Variants in USP14 observed in about 807,000 individuals in gnomAD.
USP14 encodes ubiquitin specific peptidase 14.
Under a neutral mutation model 76.5 loss-of-function variants are expected in USP14, and 38 were observed. The ratio of observed to expected loss-of-function variants is 0.50; its 90% CI spans 0.38 to 0.65. The LOEUF (loss-of-function observed/expected upper bound fraction) is 0.65, where lower values mean the gene tolerates loss of function less well. USP14 is among the 30% of genes least tolerant of loss of function. The pLI is 0.00. For missense variants in USP14, 467 were observed against 586.5 expected, an observed-to-expected ratio of 0.80 and a Z score of 2.10; for synonymous variants, 192 against 191.7, an observed-to-expected ratio of 1.00 and a Z score of -0.01.
At chr18:184,336 A>G (rs938125336) in intron 5 of USP14, among the ~76,000 whole-genome samples, 3 of 152,212 alleles carry the variant, frequency 2.0e-5, no homozygotes, top group African/African-American at 7.2e-5. Flanking sequence ...AAATGGCACT[A>G]ACTGATAAAA....
Position 208,445 on chromosome 18 carries a change from T to C in USP14, c.1165-1526T>C, listed in dbSNP as rs144293279. On this transcript the variant is annotated intron_variant, in intron 13 of 15. Transcript: ENST00000261601. Reference sequence around the variant, plus strand: ...TCTTCAAAGAATTGGCTTTGTTTCATGGATTTTTCTCTATTTTCTGTTTTT... The same window carrying C: ...TCTTCAAAGAATTGGCTTTGTTTCACGGATTTTTCTCTATTTTCTGTTTTT... 4.5e-3 allele frequency among the ~76,000 whole-genome samples: 689 copies of C among 152,296 alleles called. 6 individuals are homozygous for C. The highest frequency in any genetic ancestry group is 7.6e-3 in the Non-Finnish European group (516 of 68,028).
Position 180,227 on chromosome 18 carries a change from T to G in USP14, c.301-9T>G. 7.2e-7 allele frequency: 1 copy of G among 1,393,800 alleles called. No homozygotes were observed. Among genetic ancestry groups the G allele is most frequent in the Non-Finnish European group, 9.7e-7 (1 of 1,034,016 alleles). 86.3% of individuals were successfully genotyped at this position (1,393,800 alleles called of 1,614,324 possible). On this transcript the variant is annotated splice_polypyrimidine_tract_variant and intron_variant, in intron 4 of 15. Transcript: ENST00000261601. ...GATTTAATCCTTTTTTTTTTTTTTTTCCAACTAGATGGAGTTACCATGTGG... is the reference window on the plus strand; with the variant it reads ...GATTTAATCCTTTTTTTTTTTTTTTGCCAACTAGATGGAGTTACCATGTGG...
At chr18:160,258 C>T (rs557457456) in intron 1 of USP14, among the ~76,000 whole-genome samples, 1 of 152,196 alleles carries the variant, frequency 6.6e-6, no homozygotes, top group East Asian at 1.9e-4. Flanking sequence ...GAGCCAAGAT[C>T]GCGCCATTGC....
At position 210,416 on chromosome 18, in the gene USP14, A is replaced by T. The variant is rs2143106659; in HGVS notation, c.1256A>T (p.Asp419Val). Residue 419 changes from aspartate (D) to valine (V), a missense_variant, in exon 15 of 16, where the codon GAC becomes GTC. Transcript: ENST00000261601. The part of the protein sequence containing the change: ...DIGSNNCGYY[D>V]LQAVLTHQGR... The stretch of plus-strand genomic sequence containing the variant: ...GGCTCCAATAATTGTGGATACTATG[A>T]CTTACAAGCAGTACTAACACACCAG... 6.2e-7 allele frequency: 1 copy of T among 1,609,250 alleles called. No homozygotes were observed. The highest frequency in any genetic ancestry group is 1.3e-5 in the African/African-American group (1 of 74,902).
chr18:203,068 A>G lies in USP14; in HGVS notation c.943-30A>G, dbSNP rs201652385. On this transcript the variant is annotated intron_variant, in intron 11 of 15. Coordinates refer to ENST00000261601, the MANE Select transcript of USP14 (RefSeq NM_005151.4). ...AAAACTTGTATGGTATTTTGATGTA[A>G]TGGGATTTCTTTACATTTTGTCTCC... 4.5e-5 allele frequency: 73 copies of G among 1,610,642 alleles called. No individual in the cohort carries two copies. The Middle Eastern group carries it at 5.0e-4, about 11-fold the overall frequency.
intron 12 of USP14, among the ~76,000 whole-genome samples, chr18:204,020 A>G (rs1322993883): frequency 4.6e-5 from 7 of 152,146 alleles, no homozygotes; most frequent in African/African-American, 1.7e-4. Flanking sequence ...GGAGGGGCCT[A>G]TCTATCATTT....
chr18:211,005 CT>C, intron 15 of USP14, 127 bp from the exon 16 acceptor site: 1 of 944,814 alleles, frequency 1.1e-6, no homozygotes, highest in Non-Finnish European at 1.6e-6. Context: ...CTGGGTCGCA[CT>C]TGGAGGACTG....
intron 3 of USP14, among the ~76,000 whole-genome samples, chr18:178,566 GAAGTTTCATCACGAAA>G (rs1468350147): frequency 6.6e-6 from 1 of 152,110 alleles, no homozygotes; most frequent in Non-Finnish European, 1.5e-5. Context: ...TCACGATTTA[GAAGTTTCATCACGAAA>G]AAGTTTCTTT....
chr18:174,454 C>T (rs1052298351), intron 3 of USP14, among the ~76,000 whole-genome samples: 4 of 151,474 alleles, frequency 2.6e-5, no homozygotes, highest in South Asian at 2.1e-4. Flanking sequence ...TTAGTAGAGA[C>T]GGGGTGTCAC....
At chr18:172,333 T>C (rs1909487321) in intron 3 of USP14, among the ~76,000 whole-genome samples, 2 of 152,272 alleles carry the variant, frequency 1.3e-5, no homozygotes, top group Middle Eastern at 3.4e-3. Flanking sequence ...AGGTAACTTA[T>C]GGATGTGCAA....
rs542430429 is a variant in USP14 at position 202,847 on chromosome 18, T to G, written c.877-33T>G. The G allele has an allele frequency of 7.5e-6, 12 of 1,610,620 alleles. No homozygotes were observed. The South Asian group carries it at 1.2e-4, about 16-fold the overall frequency. Reference sequence around the variant, plus strand: ...ATTGCAGAAATAAAATTTTTAAAACTAATGTTTGGTCTTCTGTTATGTTCT... The same window carrying G: ...ATTGCAGAAATAAAATTTTTAAAACGAATGTTTGGTCTTCTGTTATGTTCT... On this transcript the variant is annotated intron_variant, in intron 10 of 15. Transcript: ENST00000261601.
chr18:169,484 AT>A (rs59541329), intron 3 of USP14, among the ~76,000 whole-genome samples: 2 of 149,554 alleles, frequency 1.3e-5, no homozygotes, highest in Admixed American at 1.3e-4. Flanking sequence ...TGATGGTGTG[AT>A]TTTTTTTTCT....
At chr18:189,711 G>A (rs1437495675) in intron 5 of USP14, among the ~76,000 whole-genome samples, 1 of 152,124 alleles carries the variant, frequency 6.6e-6, no homozygotes, top group Non-Finnish European at 1.5e-5. Context: ...TCGATCTCTT[G>A]ACCTCGTGAT....
At chr18:172,369 C>G (rs1034508052) in intron 3 of USP14, among the ~76,000 whole-genome samples, 3 of 151,924 alleles carry the variant, frequency 2.0e-5, no homozygotes, top group African/African-American at 4.9e-5. Context: ...GAGATAGACT[C>G]TACTCCTAGT....
chr18:197,104 C>T (rs569179733), intron 7 of USP14, among the ~76,000 whole-genome samples: 38 of 152,364 alleles, frequency 2.5e-4, no homozygotes, highest in Non-Finnish European at 5.3e-4. Flanking sequence ...CACTCTGTCC[C>T]TTGCTTGCCT....
chr18:163,181 G>T, intron 1 of USP14, 127 bp from the exon 2 acceptor site: 1 of 819,988 alleles, frequency 1.2e-6, no homozygotes, highest in Non-Finnish European at 1.9e-6. Flanking sequence ...TTAGGTAAGT[G>T]TTATGGGCAT....
chr18:199,782 A>G (rs889609029), intron 10 of USP14, among the ~76,000 whole-genome samples: 2 of 152,234 alleles, frequency 1.3e-5, no homozygotes, highest in Admixed American at 1.3e-4. Context: ...AGAAACACAC[A>G]TAAAACAAGG....
intron 5 of USP14, among the ~76,000 whole-genome samples, chr18:185,273 C>T (rs898757021): frequency 2.6e-5 from 4 of 152,154 alleles, no homozygotes; most frequent in Non-Finnish European, 5.9e-5. Flanking sequence ...ATTCTTCTGT[C>T]TCAGCCTCCC....
intron 13 of USP14, 55 bp downstream of exon 13, chr18:204,747 TCAGCAATTA>T: frequency 6.3e-7 from 1 of 1,578,590 alleles, no homozygotes. Flanking sequence ...CCATCAGTGC[TCAGCAATTA>T]CTCTGTCTTT....
Sources: allele counts gnomAD v4.1 joint callset (sites outside exome capture counted in the v4.1 genomes callset), GRCh38; gene constraint gnomAD v4.1.1; transcripts MANE v1.5; gene names NCBI Gene and HGNC (gene_info 2026-07-23, HGNC 2026-07-21).